NKAIN2: variants seen among roughly 807,000 people sequenced by gnomAD.
NKAIN2 encodes sodium/potassium-transporting ATPase subunit beta-1-interacting protein 2.
A neutral mutation model predicts 32.6 loss-of-function variants in NKAIN2; 14 were observed. The ratio of observed to expected loss-of-function variants is 0.43; its 90% CI spans 0.28 to 0.67. The LOEUF is 0.67. NKAIN2 is among the 30% of genes least tolerant of loss of function. The pLI is 0.17. For missense variants in NKAIN2, 198 were observed against 258.3 expected (o/e 0.77, Z 1.60); for synonymous variants, 80 against 87.2 (o/e 0.92, Z 0.46).
intron 1 of NKAIN2, among the ~76,000 whole-genome samples, chr6:124,231,191 C>A (rs1396561510): frequency 6.6e-6 from 1 of 152,170 alleles, no homozygotes; most frequent in African/African-American, 2.4e-5. Context: ...TTGCATGGGG[C>A]CTGTAGCCCC....
At chr6:123,860,795 A>G (rs1775758584) in intron 1 of NKAIN2, among the ~76,000 whole-genome samples, 1 of 152,160 alleles carries the variant, frequency 6.6e-6, no homozygotes, top group Non-Finnish European at 1.5e-5. Context: ...CACCTCTCAC[A>G]TACTTTTCTC....
intron 3 of NKAIN2, among the ~76,000 whole-genome samples, chr6:124,386,206 C>T (rs531561898): frequency 5.6e-4 from 85 of 152,178 alleles, no homozygotes; most frequent in African/African-American, 1.9e-3. Flanking sequence ...GAACACCTGT[C>T]GAGGTAGAGA....
chr6:124,771,933 T>C (rs893047325), intron 4 of NKAIN2, among the ~76,000 whole-genome samples: 2 of 152,118 alleles, frequency 1.3e-5, no homozygotes, highest in Admixed American at 1.3e-4. Context: ...AGAATGGCAT[T>C]TATGAATACT....
At chr6:123,870,535 A>G (rs1772817176) in intron 1 of NKAIN2, among the ~76,000 whole-genome samples, 1 of 152,192 alleles carries the variant, frequency 6.6e-6, no homozygotes, top group African/African-American at 2.4e-5. Context: ...TCTGCTGTGT[A>G]ATATGTGGAC....
At chr6:124,294,070 G>A (rs1795941200) in intron 2 of NKAIN2, among the ~76,000 whole-genome samples, 2 of 152,172 alleles carry the variant, frequency 1.3e-5, no homozygotes, top group African/African-American at 4.8e-5. Flanking sequence ...TTTAAAAAAT[G>A]TTTATTTTAG....
chr6:124,232,762 AT>A (rs1425447489), intron 1 of NKAIN2, among the ~76,000 whole-genome samples: 1 of 149,078 alleles, frequency 6.7e-6, no homozygotes, highest in Non-Finnish European at 1.5e-5. Flanking sequence ...GAAAAAAAAA[AT>A]GATCTTGGTT....
At chr6:124,467,425 T>G (rs1384568387) in intron 3 of NKAIN2, among the ~76,000 whole-genome samples, 3 of 152,018 alleles carry the variant, frequency 2.0e-5, no homozygotes, top group Non-Finnish European at 2.9e-5. Context: ...TATCTGAAAA[T>G]GAAAGAAAAG....
At chr6:124,306,126 A>G (rs1317648388) in intron 2 of NKAIN2, among the ~76,000 whole-genome samples, 1 of 152,164 alleles carries the variant, frequency 6.6e-6, no homozygotes, top group African/African-American at 2.4e-5. Flanking sequence ...AGATTATTAA[A>G]TGTTTTGGGG....
chr6:124,245,424 G>A (rs1221315890), intron 1 of NKAIN2, among the ~76,000 whole-genome samples: 1 of 151,936 alleles, frequency 6.6e-6, no homozygotes, highest in Non-Finnish European at 1.5e-5. Flanking sequence ...GAATCCACAG[G>A]AGTGTTATAT....
intron 1 of NKAIN2, among the ~76,000 whole-genome samples, chr6:124,013,190 GA>G (rs1244460910): frequency 6.6e-6 from 1 of 151,968 alleles, no homozygotes; most frequent in Non-Finnish European, 1.5e-5. Context: ...TATTATTCTA[GA>G]ATTTTGAATT....
chr6:124,104,977 G>A (rs769893174), intron 1 of NKAIN2, among the ~76,000 whole-genome samples: 1 of 152,148 alleles, frequency 6.6e-6, no homozygotes, highest in Non-Finnish European at 1.5e-5. Context: ...CAAGACTTCT[G>A]TCAATGTTGG....
At chr6:124,290,094 G>A (rs572414653) in intron 2 of NKAIN2, among the ~76,000 whole-genome samples, 31 of 152,200 alleles carry the variant, frequency 2.0e-4, no homozygotes, top group African/African-American at 6.7e-4. Flanking sequence ...GATTTAGCCT[G>A]TAGTCCTAAA....
intron 5 of NKAIN2, among the ~76,000 whole-genome samples, chr6:124,817,136 C>T (rs1278171460): frequency 6.6e-6 from 1 of 152,154 alleles, no homozygotes; most frequent in African/African-American, 2.4e-5. Context: ...ATTTAAGGGA[C>T]ACTTGTTTGA....
At chr6:124,519,866 C>T (rs187312445) in intron 3 of NKAIN2, among the ~76,000 whole-genome samples, 82 of 152,240 alleles carry the variant, frequency 5.4e-4, no homozygotes, top group East Asian at 1.4e-3. Context: ...TCAAAAGAGA[C>T]GAAATTATGT....
At chr6:124,117,014 T>C (rs971676791) in intron 1 of NKAIN2, among the ~76,000 whole-genome samples, 4 of 152,156 alleles carry the variant, frequency 2.6e-5, no homozygotes, top group African/African-American at 9.6e-5. Flanking sequence ...ATTCTGCTTA[T>C]TTCTTAAAGT....
chr6:124,314,951 A>G (rs1231445103), intron 2 of NKAIN2, among the ~76,000 whole-genome samples: 16 of 152,176 alleles, frequency 1.1e-4, no homozygotes, highest in Non-Finnish European at 1.5e-5. Flanking sequence ...TTCAATTTAA[A>G]TAAAGAGGCC....
intron 4 of NKAIN2, among the ~76,000 whole-genome samples, chr6:124,768,187 A>T (rs1327419024): frequency 2.0e-5 from 3 of 152,226 alleles, no homozygotes; most frequent in Non-Finnish European, 4.4e-5. Context: ...ATGTCTTAAT[A>T]AACTATGTAA....
Position 124,635,022 on chromosome 6 carries a change from A to C in NKAIN2, c.274-23164A>C, listed in dbSNP as rs540011714. ...AAAAAAGAAAAGAAAAAGACAAGGT[A>C]AGGAAAGGAAGAAGAGGAAGGAAGG... On this transcript the variant is annotated intron_variant, in intron 3 of 6. Transcript: ENST00000368417. 1.6e-4 allele frequency among the ~76,000 whole-genome samples: 25 copies of C among 151,678 alleles called. No homozygotes were observed. The South Asian group carries it at 5.2e-3, about 32-fold the overall frequency.
chr6:124,813,758 T>A (rs1015789838), intron 5 of NKAIN2, among the ~76,000 whole-genome samples: 3 of 152,174 alleles, frequency 2.0e-5, no homozygotes, highest in African/African-American at 7.2e-5. Context: ...AACTATTAAG[T>A]ATTTTGTAAT....
Sources: allele counts gnomAD v4.1 joint callset (sites outside exome capture counted in the v4.1 genomes callset), GRCh38; gene constraint gnomAD v4.1.1; transcripts MANE v1.5; gene names NCBI Gene and HGNC (gene_info 2026-07-23, HGNC 2026-07-21).